Variants in HIF1AN observed in about 807,000 individuals in gnomAD.
HIF1AN encodes hypoxia inducible factor 1 subunit alpha inhibitor.
A neutral mutation model predicts 47.7 loss-of-function variants in HIF1AN; 21 were observed. That is an observed-to-expected ratio of 0.44 (90% confidence interval 0.31 to 0.63). HIF1AN has a LOEUF of 0.63. Among genes scored for constraint, HIF1AN ranks in the 30% least tolerant of loss-of-function variants. The probability of loss-of-function intolerance (pLI) is 0.07; values close to 1 mark genes in which losing one functional copy is unlikely to be tolerated. For synonymous variants in HIF1AN, 152 were observed against 155.9 expected (o/e 0.98, Z 0.18); for missense variants, 320 against 432.7 (o/e 0.74, Z 2.31).
chr10:100,545,911 G>T, intron 4 of HIF1AN, 32 bp from the exon 5 acceptor site: 1 of 1,426,838 alleles, frequency 7.0e-7, no homozygotes, highest in Non-Finnish European at 9.9e-7. Flanking sequence ...TTTGGTGATT[G>T]ATATTTTTTT....
intron 2 of HIF1AN, among the ~76,000 whole-genome samples, chr10:100,540,035 TC>T (rs1403340059): frequency 1.3e-5 from 2 of 152,082 alleles, no homozygotes; most frequent in African/African-American, 4.8e-5. Context: ...TGAGATGGTG[TC>T]TTGCTCTTGT....
chr10:100,542,094 G>A (rs1200519911), intron 3 of HIF1AN, among the ~76,000 whole-genome samples: 1 of 151,378 alleles, frequency 6.6e-6, no homozygotes, highest in African/African-American at 2.4e-5. Context: ...AGTATATAAA[G>A]GTTAAAAAAT....
At chr10:100,538,455 A>G (rs956083057) in intron 2 of HIF1AN, among the ~76,000 whole-genome samples, 1 of 152,174 alleles carries the variant, frequency 6.6e-6, no homozygotes, top group East Asian at 1.9e-4. Context: ...GGGTGAATAT[A>G]TAATTATTAT....
chr10:100,547,011 A>C (rs1487865133), intron 6 of HIF1AN, 129 bp from the exon 7 acceptor site: 9 of 673,256 alleles, frequency 1.3e-5, no homozygotes, highest in Non-Finnish European at 2.3e-5. Flanking sequence ...AAGTGCTGGG[A>C]TTATAGGCCT....
At chr10:100,544,188 C>T (rs1163816530) in intron 3 of HIF1AN, among the ~76,000 whole-genome samples, 2 of 152,194 alleles carry the variant, frequency 1.3e-5, no homozygotes, top group African/African-American at 4.8e-5. Flanking sequence ...AAATAATGTG[C>T]CATATTTAAA....
chr10:100,556,171 T>C lies in HIF1AN; in HGVS notation c.*8034T>C, dbSNP rs994820971. On this transcript the variant is annotated 3_prime_UTR_variant, in exon 8 of 8. Coordinates refer to ENST00000299163, the MANE Select transcript of HIF1AN (RefSeq NM_017902.3). ...TCAGCTCCTGAGCAGAGCAGAGGTA[T>C]AAGTGTCAACTCATGCTTGTGTTAC... 3.3e-5 allele frequency: 5 copies of C among 152,210 alleles called. No individual in the cohort carries two copies. The highest frequency in any genetic ancestry group is 9.6e-5 in the African/African-American group (4 of 41,456). 9.4% of individuals were successfully genotyped at this position (152,210 alleles called of 1,614,324 possible).
At position 100,559,830 on chromosome 10, in the gene HIF1AN, C is replaced by T. The variant is rs902108444; in HGVS notation, c.*11693C>T. 2 of 152,172 alleles carry T rather than the reference C, an allele frequency of 1.3e-5. No homozygotes were observed. The highest frequency in any genetic ancestry group is 4.8e-5 in the African/African-American group (2 of 41,442). 9.4% of individuals were successfully genotyped at this position (152,172 alleles called of 1,614,324 possible). ...AGAGTGGGTTCTAAATGTAATATTA[C>T]CACACACCCAAGTCACTTAGCCTCT... is the stretch of plus-strand genomic sequence containing the variant. On this transcript the variant is annotated 3_prime_UTR_variant, in exon 8 of 8. Coordinates refer to ENST00000299163, the MANE Select transcript of HIF1AN (RefSeq NM_017902.3).
In HIF1AN at chr10:100,549,748, CTTTTCTTTTTTTT is replaced by C. The variant is rs1843136698; in HGVS notation, c.*1616_*1628del. ...GAGGAGTTGGAAGGTCTCTGGTTTT[CTTTTCTTTTTTTT>C]TTTTTTTGCCAAAGGTTTACTTCCA... On this transcript the variant is annotated 3_prime_UTR_variant, in exon 8 of 8. Coordinates refer to ENST00000299163, the MANE Select transcript of HIF1AN (RefSeq NM_017902.3). 1 of 145,376 alleles carries C rather than the reference CTTTTCTTTTTTTT, an allele frequency of 6.9e-6. No individual in the cohort carries two copies. The highest frequency in any genetic ancestry group is 2.1e-4 in the South Asian group (1 of 4,652). The allele number at this position is 145,376 out of a possible 1,614,324, so 9.0% of individuals were successfully genotyped here.
In HIF1AN at chr10:100,548,342, T is replaced by C; in HGVS notation, c.*205T>C. 6.0e-6 allele frequency: 3 copies of C among 496,866 alleles called. No individual in the cohort carries two copies. Among genetic ancestry groups the C allele is most frequent in the South Asian group, 3.4e-5 (1 of 29,556 alleles). 30.8% of individuals were successfully genotyped at this position (496,866 alleles called of 1,614,324 possible). ...TTTGGAGGGACTTCATACCCTTGCCTCTTGTGCCCCAGCACCTTCTCTCTC... is the reference window on the plus strand; with the variant it reads ...TTTGGAGGGACTTCATACCCTTGCCCCTTGTGCCCCAGCACCTTCTCTCTC... On this transcript the variant is annotated 3_prime_UTR_variant, in exon 8 of 8. Coordinates refer to ENST00000299163, the MANE Select transcript of HIF1AN (RefSeq NM_017902.3).
intron 3 of HIF1AN, among the ~76,000 whole-genome samples, chr10:100,542,794 TTG>T (rs1843052083): frequency 6.6e-6 from 1 of 152,112 alleles, no homozygotes; most frequent in African/African-American, 2.4e-5. Flanking sequence ...TATTAGTTGC[TTG>T]TGTTTTCTGC....
rs1843183752 is a variant in HIF1AN, at chr10:100,553,324, T to C, written c.*5187T>C. 1 of 152,174 alleles carries C rather than the reference T, an allele frequency of 6.6e-6. No individual in the cohort carries two copies. The highest frequency in any genetic ancestry group is 1.5e-5 in the Non-Finnish European group (1 of 68,054). The allele number at this position is 152,174 out of a possible 1,614,324, so 9.4% of individuals were successfully genotyped here. ...TTCAGGGGTGGTGGACTTTTTTGAG[T>C]GTCTCCTAATTTCTCTGAGGTGTCT... On this transcript the variant is annotated 3_prime_UTR_variant, in exon 8 of 8. Transcript: ENST00000299163.
intron 7 of HIF1AN, among the ~76,000 whole-genome samples, chr10:100,547,804 G>A (rs746191753): frequency 1.3e-5 from 2 of 152,136 alleles, no homozygotes; most frequent in Non-Finnish European, 2.9e-5. Flanking sequence ...TTGGGTGTTC[G>A]GGGATTATTA....
intron 5 of HIF1AN, 34 bp downstream of exon 5, chr10:100,546,083 G>A: frequency 1.4e-6 from 2 of 1,414,656 alleles, no homozygotes; most frequent in Non-Finnish European, 2.0e-6. Flanking sequence ...GGCTTTTTGG[G>A]AGCTTTCTTT....
In HIF1AN at chr10:100,540,731, A is replaced by G. The variant is rs1393879491; in HGVS notation, c.526A>G (p.Lys176Glu). The G allele has an allele frequency of 6.2e-7, 1 of 1,613,630 alleles. No individual in the cohort carries two copies. Among genetic ancestry groups the G allele is most frequent in the African/African-American group, 1.3e-5 (1 of 74,902 alleles). Reference sequence around the variant, plus strand: ...GAACTGGATTAATAAGCAACAGGGAAAGCGTGGCTGGGGGCAGCTTACCTC... The same window carrying G: ...GAACTGGATTAATAAGCAACAGGGAGAGCGTGGCTGGGGGCAGCTTACCTC... ...NWNWINKQQG[K>E]RGWGQLTSNL... The change falls in exon 3 of 8, where the codon AAG becomes GAG. Residue 176 changes from lysine (K) to glutamate (E), a missense_variant. Lys to Glu is a moderately conservative substitution (Grantham distance 56). This residue lies in a region of HIF1AN where 161 missense variants were observed against 272.8 expected (regional missense o/e 0.59). Coordinates refer to ENST00000299163, the MANE Select transcript of HIF1AN (RefSeq NM_017902.3).
At position 100,558,616 on chromosome 10, in the gene HIF1AN, G is replaced by A. The variant is rs767394844; in HGVS notation, c.*10479G>A. 6 of 152,178 alleles carry A rather than the reference G, an allele frequency of 3.9e-5. No homozygotes were observed. The highest frequency in any genetic ancestry group is 2.1e-4 in the South Asian group (1 of 4,826). 9.4% of individuals were successfully genotyped at this position (152,178 alleles called of 1,614,324 possible). On this transcript the variant is annotated 3_prime_UTR_variant, in exon 8 of 8. Coordinates refer to ENST00000299163, the MANE Select transcript of HIF1AN (RefSeq NM_017902.3). ...AAAGTGCAGTTAGGCCCTGAATAGC[G>A]TCAAACTCAGGGATGTGAGCTGACT... is the stretch of plus-strand genomic sequence containing the variant.
rs772332480 is a variant in HIF1AN, at chr10:100,536,124, A to G, written c.166A>G (p.Ile56Val). 1.9e-6 allele frequency: 3 copies of G among 1,598,600 alleles called. No homozygotes were observed. Among genetic ancestry groups the G allele is most frequent in the Admixed American group, 3.5e-5 (2 of 57,318 alleles). Reference sequence around the variant, plus strand: ...GAGCGACCCCCGGGCAGAGGAGCTTATTGAGAATGAGGTGGGGGGCGGGGC... The same window carrying G: ...GAGCGACCCCCGGGCAGAGGAGCTTGTTGAGAATGAGGTGGGGGGCGGGGC... Reference protein sequence around the residue: ...SQSDPRAEELIENEEPVVLTD... With the variant: ...SQSDPRAEELVENEEPVVLTD... Residue 56 changes from isoleucine to valine, a missense_variant, in exon 1 of 8, where the codon ATT becomes GTT. This residue lies in a region of HIF1AN where 159 missense variants were observed against 159.9 expected (regional missense o/e 0.99). Transcript: ENST00000299163.
At position 100,550,027 on chromosome 10, in the gene HIF1AN, C is replaced by T. The variant is rs764919156; in HGVS notation, c.*1890C>T. ...TGTGATTGCAGTGATCTCTATCTCT[C>T]CACTTCTTTTGGGAAAGAGGAGCAC... On this transcript the variant is annotated 3_prime_UTR_variant, in exon 8 of 8. Coordinates refer to ENST00000299163, the MANE Select transcript of HIF1AN (RefSeq NM_017902.3). 1 of 152,172 alleles carries T rather than the reference C, an allele frequency of 6.6e-6. No homozygotes were observed. Among genetic ancestry groups the T allele is most frequent in the Non-Finnish European group, 1.5e-5 (1 of 68,042 alleles). 9.4% of individuals were successfully genotyped at this position (152,172 alleles called of 1,614,324 possible). A position where few individuals can be genotyped will look rare whatever the true frequency, so the allele number is the denominator to read the frequency against.
In HIF1AN at chr10:100,553,332, A is replaced by G. The variant is rs966669121; in HGVS notation, c.*5195A>G. The G allele has an allele frequency of 3.9e-5, 6 of 152,116 alleles. No individual in the cohort carries two copies. The highest frequency in any genetic ancestry group is 1.4e-4 in the African/African-American group (6 of 41,404). The allele number at this position is 152,116 out of a possible 1,614,324, so 9.4% of individuals were successfully genotyped here. Reference sequence around the variant, plus strand: ...TGGTGGACTTTTTTGAGTGTCTCCTAATTTCTCTGAGGTGTCTTTGGCTCT... The same window carrying G: ...TGGTGGACTTTTTTGAGTGTCTCCTGATTTCTCTGAGGTGTCTTTGGCTCT... On this transcript the variant is annotated 3_prime_UTR_variant, in exon 8 of 8. Transcript: ENST00000299163.
Position 100,556,260 on chromosome 10 carries a change from G to A in HIF1AN, c.*8123G>A, listed in dbSNP as rs1329053861. The stretch of plus-strand genomic sequence containing the variant: ...GGATACTATCACCTATGCCATCAGT[G>A]GGGAATGACCTTCCAAAAATATTTT... On this transcript the variant is annotated 3_prime_UTR_variant, in exon 8 of 8. Coordinates refer to ENST00000299163, the MANE Select transcript of HIF1AN (RefSeq NM_017902.3). 1 of 152,122 alleles carries A rather than the reference G, an allele frequency of 6.6e-6. No individual in the cohort carries two copies. Among genetic ancestry groups the A allele is most frequent in the African/African-American group, 2.4e-5 (1 of 41,418 alleles). The allele number at this position is 152,122 out of a possible 1,614,324, so 9.4% of individuals were successfully genotyped here.
Sources: gnomAD v4.1 joint callset for allele counts (sites outside exome capture counted in the v4.1 genomes callset) on GRCh38, gnomAD v4.1.1 for gene constraint, gnomAD v4.1.1 regional missense constraint, MANE v1.5 for transcripts, NCBI Gene and HGNC (gene_info 2026-07-23, HGNC 2026-07-21) for gene names.